The following UBAP1L variants were observed in gnomAD, a reference collection of about 807,000 sequenced individuals.
UBAP1L encodes the protein ubiquitin associated protein 1 like.
UBAP1L carries 32 observed loss-of-function variants against 32.1 expected under a neutral mutation model. The observed-to-expected ratio is 1.00, with a 90% confidence interval of 0.75 to 1.34. The LOEUF (loss-of-function observed/expected upper bound fraction) is 1.34. UBAP1L is among the 40% of genes most tolerant of loss of function. The pLI is 0.00. For missense variants in UBAP1L, 516 were observed against 540.5 expected, an observed-to-expected ratio of 0.95 and a Z score of 0.45; for synonymous variants, 243 against 250.2, an observed-to-expected ratio of 0.97 and a Z score of 0.27.
intron 4 of UBAP1L, chr15:65,098,818 A>C (rs2087206533): frequency 6.6e-6 from 1 of 152,256 alleles, no homozygotes; most frequent in Non-Finnish European, 1.5e-5. Context: ...GAGAATCATA[A>C]GCAAATAAAT....
At position 65,094,844 on chromosome 15, in the gene UBAP1L, G is replaced by A. The variant is rs927543029; in HGVS notation, c.910-268C>T. 9.7e-6 allele frequency: 5 copies of A among 517,356 alleles called. No individual in the cohort carries two copies. In the Admixed American group the frequency reaches 1.6e-4, roughly 17 times the overall value. 32.0% of individuals were successfully genotyped at this position (517,356 alleles called of 1,614,324 possible). ...GGAAAAGGGCTGTCAGGGTGGGCTAGGGTGTTCATAGAACCTAGGTGGGGA... is the reference window on the plus strand; with the variant it reads ...GGAAAAGGGCTGTCAGGGTGGGCTAAGGTGTTCATAGAACCTAGGTGGGGA... On this transcript the variant is annotated intron_variant, in intron 4 of 5. Coordinates refer to ENST00000559089, the MANE Select transcript of UBAP1L (RefSeq NM_001163692.2). The surrounding 1 kb of genome is among the most constrained non-coding windows in gnomAD (Gnocchi z 4.2).
At chr15:65,097,463 T>G (rs2087188509) in intron 4 of UBAP1L, 1 of 151,982 alleles carries the variant, frequency 6.6e-6, no homozygotes, top group Admixed American at 6.6e-5. Flanking sequence ...ACACAGAAAA[T>G]GAGATAAAAG....
chr15:65,106,047 A>G (rs1237126871), intron 2 of UBAP1L, 49 bp downstream of exon 2: 1 of 1,544,428 alleles, frequency 6.5e-7, no homozygotes, highest in South Asian at 1.2e-5. Context: ...CCATGGACTC[A>G]GCCCCAGACC....
intron 1 of UBAP1L, among the ~76,000 whole-genome samples, chr15:65,114,188 T>TC (rs1248710522): frequency 6.6e-6 from 1 of 152,000 alleles, no homozygotes; most frequent in African/African-American, 2.4e-5. Flanking sequence ...CCAGCCTTTT[T>TC]TTTTTTTTTT....
chr15:65,110,684 C>CAAAAAAAAAA (rs71136313), intron 1 of UBAP1L, among the ~76,000 whole-genome samples: 1 of 63,068 alleles, frequency 1.6e-5, no homozygotes, highest in Non-Finnish European at 3.3e-5. Context: ...GACTCTGTCT[C>CAAAAAAAAAA]AAAAAAAAAA....
chr15:65,113,157 G>A (rs1409077487), intron 1 of UBAP1L, among the ~76,000 whole-genome samples: 1 of 152,140 alleles, frequency 6.6e-6, no homozygotes, highest in Non-Finnish European at 1.5e-5. Context: ...GATTGCTGGA[G>A]CCCGTGAGTT....
Position 65,108,648 on chromosome 15 carries a change from A to T in UBAP1L, c.-173-2260T>A, listed in dbSNP as rs139247631. Among the ~76,000 whole-genome samples the T allele has an allele frequency of 2.6e-3, 392 of 152,068 alleles. 1 individual carries two copies. The highest frequency in any genetic ancestry group is 0.014 in the Middle Eastern group (4 of 292). On this transcript the variant is annotated intron_variant, in intron 1 of 5. Coordinates refer to ENST00000559089, the MANE Select transcript of UBAP1L (RefSeq NM_001163692.2). ...CAGCCCCAGCTACTCGGGAGGCTGA[A>T]GTAGGAGGATTGCTTAAGCCTGGGA...
rs113594612 is a variant in UBAP1L at position 65,105,939 on chromosome 15, C to G, written c.120+157G>C. The G allele has an allele frequency of 1.4e-5, 14 of 1,029,814 alleles. 1 individual carries two copies. Among genetic ancestry groups the G allele is most frequent in the African/African-American group, 1.1e-4 (7 of 61,892 alleles). The allele number at this position is 1,029,814 out of a possible 1,614,324, so 63.8% of individuals were successfully genotyped here. A position where few individuals can be genotyped will look rare whatever the true frequency, so the allele number is the denominator to read the frequency against. On this transcript the variant is annotated intron_variant, in intron 2 of 5. Transcript: ENST00000559089. The stretch of plus-strand genomic sequence containing the variant: ...CCGAGTAGCTGGGATTACAGGCACG[C>G]GTCACCACACCCAGCTAATTTTTTG...
intron 1 of UBAP1L, among the ~76,000 whole-genome samples, chr15:65,112,185 T>C (rs1463698502): frequency 6.6e-6 from 1 of 152,146 alleles, no homozygotes; most frequent in Non-Finnish European, 1.5e-5. Context: ...GAACAGCCTG[T>C]GAGCAAGAGA....
chr15:65,093,169 G>T lies in UBAP1L; in HGVS notation c.1074C>A (p.Ile358=). 1 of 1,550,444 alleles carries T rather than the reference G, an allele frequency of 6.4e-7. No homozygotes were observed. Among genetic ancestry groups the T allele is most frequent in the Non-Finnish European group, 8.7e-7 (1 of 1,146,864 alleles). ...FSDMGFQQDR[I]KEVLLVHGNR... ...TGCCATGGACCAGCAGCACCTCCTTGATCCGGTCCTGCTGGAAGCCCATGT... is the reference window on the plus strand; with the variant it reads ...TGCCATGGACCAGCAGCACCTCCTTTATCCGGTCCTGCTGGAAGCCCATGT... Residue 358 remains isoleucine (I), a synonymous_variant, in exon 6 of 6, where the codon ATC becomes ATA. Coordinates refer to ENST00000559089, the MANE Select transcript of UBAP1L (RefSeq NM_001163692.2).
chr15:65,094,672 C>T lies in UBAP1L; in HGVS notation c.910-96G>A. 1.1e-6 allele frequency: 1 copy of T among 925,498 alleles called. No individual in the cohort carries two copies. Among genetic ancestry groups the T allele is most frequent in the East Asian group, 2.6e-5 (1 of 38,048 alleles). The allele number at this position is 925,498 out of a possible 1,614,324, so 57.3% of individuals were successfully genotyped here. A position where few individuals can be genotyped will look rare whatever the true frequency, so the allele number is the denominator to read the frequency against. On this transcript the variant is annotated intron_variant, in intron 4 of 5. Coordinates refer to ENST00000559089, the MANE Select transcript of UBAP1L (RefSeq NM_001163692.2). This position sits in a 1 kb window ranked among gnomAD's most constrained non-coding sequence, Gnocchi z 4.2. ...GCACTCCAAGGGCCTGAGCTGAGGGCCAGGCAACAGGGCAAGCCACCACCT... is the reference window on the plus strand; with the variant it reads ...GCACTCCAAGGGCCTGAGCTGAGGGTCAGGCAACAGGGCAAGCCACCACCT...
chr15:65,111,749 T>A (rs925992762), intron 1 of UBAP1L, among the ~76,000 whole-genome samples: 2 of 152,070 alleles, frequency 1.3e-5, no homozygotes, highest in South Asian at 2.1e-4. Flanking sequence ...CTTCCCAAAG[T>A]GCTGAGATTG....
In UBAP1L at chr15:65,094,488, A is replaced by C; in HGVS notation, c.998T>G (p.Phe333Cys). The change falls in exon 5 of 6, where the codon TTC (phenylalanine) becomes TGC (cysteine). Residue 333 changes from phenylalanine to cysteine, a missense_variant. By Grantham distance (205) the Phe-to-Cys change is radical. Transcript: ENST00000559089. This position sits in a 1 kb window ranked among gnomAD's most constrained non-coding sequence, Gnocchi z 4.2. ...LVDEAMEMFQ[F>C]SESQAGEFLR... is the part of the protein sequence containing the mutation. ...AGCCCTGCTGACCTGGCTCTCGGAG[A>C]ACTGGAACATCTCCATGGCCTCATC... 6.4e-7 allele frequency: 1 copy of C among 1,550,816 alleles called. No individual in the cohort carries two copies. Among genetic ancestry groups the C allele is most frequent in the East Asian group, 2.4e-5 (1 of 40,902 alleles).
intron 2 of UBAP1L, among the ~76,000 whole-genome samples, chr15:65,104,288 AAGAG>A (rs1026238596): frequency 2.6e-5 from 4 of 151,844 alleles, no homozygotes; most frequent in South Asian, 2.1e-4. Flanking sequence ...AAGAAAAGAA[AAGAG>A]AGAGAGAGCG....
intron 1 of UBAP1L, 110 bp from the exon 2 acceptor site, chr15:65,106,498 C>T (rs1159983236): frequency 6.4e-6 from 2 of 310,784 alleles, no homozygotes; most frequent in African/African-American, 4.3e-5. Flanking sequence ...ACATGGTCCA[C>T]AAAACTAGTT....
At position 65,094,485 on chromosome 15, in the gene UBAP1L, G is replaced by C. The variant is rs2087152072; in HGVS notation, c.1001C>G (p.Ser334Cys). 2 of 1,550,596 alleles carry C rather than the reference G, an allele frequency of 1.3e-6. No homozygotes were observed. The highest frequency in any genetic ancestry group is 1.7e-6 in the Non-Finnish European group (2 of 1,146,488). ...GGAAGCCCTGCTGACCTGGCTCTCGGAGAACTGGAACATCTCCATGGCCTC... is the reference window on the plus strand; with the variant it reads ...GGAAGCCCTGCTGACCTGGCTCTCGCAGAACTGGAACATCTCCATGGCCTC... Reference protein sequence around the residue: ...VDEAMEMFQFSESQAGEFLRL... With the variant: ...VDEAMEMFQFCESQAGEFLRL... Residue 334 changes from serine to cysteine, a missense_variant, in exon 5 of 6, where the codon TCC becomes TGC. Ser to Cys is a moderately radical substitution (Grantham distance 112). Transcript: ENST00000559089. This position sits in a 1 kb window ranked among gnomAD's most constrained non-coding sequence, Gnocchi z 4.2.
At chr15:65,114,235 T>C (rs940073449) in intron 1 of UBAP1L, among the ~76,000 whole-genome samples, 19 of 151,404 alleles carry the variant, frequency 1.3e-4, no homozygotes, top group Admixed American at 9.9e-4. Flanking sequence ...TTTCCTAGCA[T>C]ACACATATGT....
In UBAP1L at chr15:65,112,153, G is replaced by A. The variant is rs78599847; in HGVS notation, c.-174+2997C>T. ...AGCTTCAGGAAGTAGATGGGACTTG[G>A]CCTTGACCCTGGAAGGTGAAAGAAC... On this transcript the variant is annotated intron_variant, in intron 1 of 5. Coordinates refer to ENST00000559089, the MANE Select transcript of UBAP1L (RefSeq NM_001163692.2). 5.7e-3 allele frequency among the ~76,000 whole-genome samples: 875 copies of A among 152,288 alleles called. 5 individuals carry two copies. Among genetic ancestry groups the A allele is most frequent in the Middle Eastern group, 0.014 (4 of 294 alleles).
In UBAP1L at chr15:65,102,691, AAAG is replaced by A. The variant is rs2087259471; in HGVS notation, c.121-10_121-8del. ...TCTCCAGGCTGAAGTCGTGCTGCGG[AAAG>A]AAGGCGACGTAAAGCCCAGGGCAAA... On this transcript the variant is annotated splice_region_variant and splice_polypyrimidine_tract_variant and intron_variant, in intron 2 of 5. Coordinates refer to ENST00000559089, the MANE Select transcript of UBAP1L (RefSeq NM_001163692.2). This position sits in a 1 kb window ranked among gnomAD's most constrained non-coding sequence, Gnocchi z 5.0. 6.5e-6 allele frequency: 10 copies of A among 1,544,720 alleles called. No individual in the cohort carries two copies. The highest frequency in any genetic ancestry group is 8.7e-6 in the Non-Finnish European group (10 of 1,146,392).
Sources: gnomAD v4.1 joint callset for allele counts (sites outside exome capture counted in the v4.1 genomes callset) on GRCh38, gnomAD v4.1.1 for gene constraint, Gnocchi (gnomAD v3.1) non-coding constraint, MANE v1.5 for transcripts, NCBI Gene and HGNC (gene_info 2026-07-23, HGNC 2026-07-21) for gene names.